The following MLLT10 variants were observed in gnomAD, a reference collection of about 807,000 sequenced individuals.
MLLT10 encodes the protein MLLT10 histone lysine methyltransferase DOT1L cofactor.
A neutral mutation model predicts 129.1 loss-of-function variants in MLLT10; 30 were observed. The ratio of observed to expected loss-of-function variants is 0.23; its 90% CI spans 0.17 to 0.32. The LOEUF (loss-of-function observed/expected upper bound fraction) is 0.32, where lower values mean the gene tolerates loss of function less well. MLLT10 is among the 10% of genes least tolerant of loss of function. The pLI is 1.00. For synonymous variants in MLLT10, 490 were observed against 446.4 expected (o/e 1.10, Z -1.23); for missense variants, 1,119 against 1,268.3 (o/e 0.88, Z 1.79).
intron 8 of MLLT10, 145 bp from the exon 9 acceptor site, chr10:21,651,528 T>G (rs879670205): frequency 2.0e-5 from 12 of 586,358 alleles, no homozygotes; most frequent in Non-Finnish European, 2.7e-5. Flanking sequence ...ATTACTTGTT[T>G]ATAAAACAAC....
chr10:21,665,613 A>G (rs1589520454), intron 9 of MLLT10, among the ~76,000 whole-genome samples: 3 of 152,100 alleles, frequency 2.0e-5, no homozygotes, highest in African/African-American at 2.4e-5. Flanking sequence ...AAGGCAGCGT[A>G]TAGTCATGTT....
chr10:21,536,194 G>A (rs1217067761), intron 2 of MLLT10, among the ~76,000 whole-genome samples: 1 of 152,208 alleles, frequency 6.6e-6, no homozygotes, highest in African/African-American at 2.4e-5. Context: ...TCTTGCCTCG[G>A]CCTCCCAAAG....
At chr10:21,582,877 A>G (rs1477051133) in intron 3 of MLLT10, among the ~76,000 whole-genome samples, 1 of 152,202 alleles carries the variant, frequency 6.6e-6, no homozygotes, top group Non-Finnish European at 1.5e-5. Flanking sequence ...GGAGCGTTTC[A>G]AGTGTCTATG....
At chr10:21,632,304 T>C (rs1589338283) in intron 8 of MLLT10, among the ~76,000 whole-genome samples, 1 of 152,128 alleles carries the variant, frequency 6.6e-6, no homozygotes, top group Admixed American at 6.5e-5. Flanking sequence ...CTTGTAAGGT[T>C]GAGATTGCAT....
At chr10:21,733,201 A>T in intron 18 of MLLT10, 114 bp downstream of exon 18, 1 of 1,103,568 alleles carries the variant, frequency 9.1e-7, no homozygotes, top group Non-Finnish European at 1.3e-6. Flanking sequence ...AAAAGGAACT[A>T]TAGGTTGTTT....
chr10:21,664,696 C>T (rs927102139), intron 9 of MLLT10, among the ~76,000 whole-genome samples: 4 of 151,968 alleles, frequency 2.6e-5, no homozygotes, highest in African/African-American at 9.7e-5. Flanking sequence ...TATCCTTACT[C>T]GTTTTTTGCT....
intron 10 of MLLT10, among the ~76,000 whole-genome samples, chr10:21,672,319 C>T (rs548984035): frequency 6.6e-6 from 1 of 151,814 alleles, no homozygotes; most frequent in South Asian, 2.1e-4. Context: ...TGCTTCAGAC[C>T]CTCAATTAGC....
chr10:21,726,779 G>A (rs2057549942), intron 15 of MLLT10, among the ~76,000 whole-genome samples: 1 of 138,974 alleles, frequency 7.2e-6, no homozygotes, highest in Non-Finnish European at 1.5e-5. Flanking sequence ...TGTGACTTTT[G>A]TGATTGATGT....
rs114645086 is a variant in MLLT10 at position 21,683,066 on chromosome 10, A to G, written c.1699+809A>G. Among the ~76,000 whole-genome samples the G allele has an allele frequency of 9.0e-3, 1,369 of 152,132 alleles. 15 individuals are homozygous for G. The highest frequency in any genetic ancestry group is 0.031 in the African/African-American group (1,290 of 41,490). On this transcript the variant is annotated intron_variant, in intron 13 of 22. Coordinates refer to ENST00000307729, the MANE Select transcript of MLLT10 (RefSeq NM_001195626.3). ...TCATTAACTTCATGAAATCTTGCAT[A>G]TTTTGCTAATGTATTTTAATTTGCA... is the stretch of plus-strand genomic sequence containing the variant.
chr10:21,583,832 A>T (rs888599644), intron 3 of MLLT10, among the ~76,000 whole-genome samples: 4 of 151,936 alleles, frequency 2.6e-5, no homozygotes, highest in African/African-American at 9.7e-5. Context: ...TTTACATGAG[A>T]TTTGGAGGCA....
intron 13 of MLLT10, among the ~76,000 whole-genome samples, chr10:21,692,131 G>A (rs2053919006): frequency 1.3e-5 from 2 of 151,774 alleles, no homozygotes; most frequent in Admixed American, 6.6e-5. Context: ...CTGAGATCAC[G>A]CTACTGCACT....
intron 5 of MLLT10, among the ~76,000 whole-genome samples, chr10:21,596,789 A>G (rs564261507): frequency 1.3e-5 from 2 of 152,062 alleles, no homozygotes; most frequent in African/African-American, 4.8e-5. Context: ...AAAGTGTTTT[A>G]TGTTAGAGAT....
chr10:21,688,430 CATG>C (rs2053513638), intron 13 of MLLT10: 1 of 1,388,782 alleles, frequency 7.2e-7, no homozygotes, highest in Non-Finnish European at 1.0e-6. Flanking sequence ...ACTTGTCTGT[CATG>C]GTGGTTTTTA....
At chr10:21,721,830 A>G (rs77384778) in intron 14 of MLLT10, among the ~76,000 whole-genome samples, 2,928 of 152,186 alleles carry the variant, frequency 0.019, 88 homozygotes, top group African/African-American at 0.066. Flanking sequence ...TAATTATTCA[A>G]TTTATTCTTA....
intron 3 of MLLT10, among the ~76,000 whole-genome samples, chr10:21,577,926 C>T (rs553134983): frequency 4.7e-4 from 71 of 152,098 alleles, no homozygotes; most frequent in African/African-American, 1.7e-3. Context: ...CAGAGTCTCA[C>T]TCTGTTGTTC....
intron 9 of MLLT10, among the ~76,000 whole-genome samples, chr10:21,659,952 CTG>C (rs890251485): frequency 6.6e-6 from 1 of 152,024 alleles, no homozygotes; most frequent in African/African-American, 2.4e-5. Context: ...GTTGAAATTT[CTG>C]TGTTTATTTT....
intron 11 of MLLT10, among the ~76,000 whole-genome samples, chr10:21,679,572 C>G (rs2052533410): frequency 6.6e-6 from 1 of 152,070 alleles, no homozygotes; most frequent in African/African-American, 2.4e-5. Context: ...TAAATAACTC[C>G]CACAAGCTTA....
intron 3 of MLLT10, among the ~76,000 whole-genome samples, chr10:21,561,460 C>T (rs1176897966): frequency 6.6e-6 from 1 of 152,156 alleles, no homozygotes; most frequent in African/African-American, 2.4e-5. Flanking sequence ...AGGGTTTTAC[C>T]ATGTTAGCCA....
chr10:21,676,770 A>C (rs1184702791), intron 11 of MLLT10, among the ~76,000 whole-genome samples: 1 of 143,948 alleles, frequency 6.9e-6, no homozygotes, highest in East Asian at 2.1e-4. Context: ...CTCTGAAGAT[A>C]TTTTATGTCT....
Sources: allele counts gnomAD v4.1 joint callset (sites outside exome capture counted in the v4.1 genomes callset), GRCh38; gene constraint gnomAD v4.1.1; transcripts MANE v1.5; gene names NCBI Gene and HGNC (gene_info 2026-07-23, HGNC 2026-07-21).